TMEFF1: variants seen among roughly 807,000 people sequenced by gnomAD.
TMEFF1 encodes the protein tomoregulin-1.
A neutral mutation model predicts 47.5 loss-of-function variants in TMEFF1; 20 were observed. The observed-to-expected ratio is 0.42, with a 90% CI of 0.30 to 0.61. The LOEUF is 0.61. Ranked by LOEUF, TMEFF1 falls within the 20% of genes least tolerant of loss-of-function variation. TMEFF1 has a pLI of 0.19. For missense variants in TMEFF1, 411 were observed against 471.1 expected, an observed-to-expected ratio of 0.87 and a Z score of 1.18; for synonymous variants, 162 against 166.3, an observed-to-expected ratio of 0.97 and a Z score of 0.20.
At chr9:100,509,775 G>C (rs938577128) in intron 3 of TMEFF1, among the ~76,000 whole-genome samples, 4 of 100,586 alleles carry the variant, frequency 4.0e-5, no homozygotes, top group African/African-American at 1.4e-4. Context: ...CTCCATCTCA[G>C]AAAAAAAAAA....
At chr9:100,572,282 T>C (rs1839255027) in intron 8 of TMEFF1, among the ~76,000 whole-genome samples, 1 of 152,116 alleles carries the variant, frequency 6.6e-6, no homozygotes, top group Admixed American at 6.6e-5. Flanking sequence ...ACATTAACAA[T>C]ATTCAGCAAC....
intron 1 of TMEFF1, among the ~76,000 whole-genome samples, chr9:100,490,899 T>C (rs1311780434): frequency 7.1e-6 from 1 of 140,626 alleles, no homozygotes; most frequent in Admixed American, 7.1e-5. Flanking sequence ...ATGTGTGTGT[T>C]TGAAATGAGT....
chr9:100,489,776 G>A (rs924444884), intron 1 of TMEFF1, among the ~76,000 whole-genome samples: 2 of 152,008 alleles, frequency 1.3e-5, no homozygotes, highest in South Asian at 2.1e-4. Flanking sequence ...TTTAATAACC[G>A]CACCATAACA....
chr9:100,521,727 A>C (rs2118406211), intron 5 of TMEFF1, among the ~76,000 whole-genome samples: 1 of 152,340 alleles, frequency 6.6e-6, no homozygotes, highest in East Asian at 1.9e-4. Context: ...GAGTCTGTAG[A>C]ATCATCAGGC....
chr9:100,559,539 T>C (rs1838975607), intron 7 of TMEFF1, among the ~76,000 whole-genome samples: 1 of 152,178 alleles, frequency 6.6e-6, no homozygotes. Context: ...AGTAAAAATA[T>C]CTCAATTTTT....
rs540529395 is a variant in TMEFF1, at chr9:100,540,203, A to T, written c.561-7541A>T. 4.6e-5 allele frequency among the ~76,000 whole-genome samples: 7 copies of T among 151,990 alleles called. No individual in the cohort carries two copies. In the South Asian group the frequency reaches 1.5e-3, roughly 32 times the overall value. On this transcript the variant is annotated intron_variant, in intron 5 of 9. Coordinates refer to ENST00000374879, the MANE Select transcript of TMEFF1 (RefSeq NM_003692.5). ...CCAAGTCCCCACCCGATCTTTAGGT[A>T]GACACAAAAGTTCTCCAAGTCCCCA...
intron 5 of TMEFF1, among the ~76,000 whole-genome samples, chr9:100,542,261 A>G (rs75051117): frequency 0.022 from 3,363 of 152,196 alleles, 104 homozygotes; most frequent in African/African-American, 0.076. Flanking sequence ...TTGAATTTCA[A>G]TTCCTCCAAA....
intron 5 of TMEFF1, among the ~76,000 whole-genome samples, chr9:100,531,734 C>G (rs937187795): frequency 2.0e-5 from 3 of 152,114 alleles, no homozygotes; most frequent in African/African-American, 4.8e-5. Flanking sequence ...TTGGAAAAAA[C>G]TACTTTAAAA....
At chr9:100,550,241 A>G in intron 7 of TMEFF1, 81 bp downstream of exon 7, 3 of 1,408,288 alleles carry the variant, frequency 2.1e-6, no homozygotes, top group South Asian at 2.8e-5. Flanking sequence ...TGTTTCCATT[A>G]TAACAACACC....
intron 3 of TMEFF1, among the ~76,000 whole-genome samples, chr9:100,512,204 T>G (rs1302766738): frequency 1.3e-5 from 2 of 152,222 alleles, no homozygotes; most frequent in African/African-American, 4.8e-5. Context: ...GTTCCATCAC[T>G]CTTTCATTTC....
chr9:100,571,606 A>T (rs1313451467), intron 8 of TMEFF1, among the ~76,000 whole-genome samples: 1 of 151,760 alleles, frequency 6.6e-6, no homozygotes, highest in South Asian at 2.1e-4. Context: ...GTTGCCAGGG[A>T]CTAGTTCCGT....
intron 8 of TMEFF1, among the ~76,000 whole-genome samples, chr9:100,568,700 A>G (rs1213433760): frequency 6.6e-6 from 1 of 152,078 alleles, no homozygotes; most frequent in Non-Finnish European, 1.5e-5. Context: ...AGGACACCTC[A>G]TACCCTTTAG....
chr9:100,491,342 C>T (rs1367886010), intron 1 of TMEFF1, among the ~76,000 whole-genome samples: 1 of 152,090 alleles, frequency 6.6e-6, no homozygotes, highest in African/African-American at 2.4e-5. Context: ...GCAGATTTCT[C>T]CAAATACTAC....
chr9:100,504,602 T>C (rs1837822235), intron 2 of TMEFF1, among the ~76,000 whole-genome samples: 1 of 152,238 alleles, frequency 6.6e-6, no homozygotes, highest in Admixed American at 6.5e-5. Context: ...ATGCCAAAGG[T>C]AGATTATCTT....
At chr9:100,513,407 T>C in intron 4 of TMEFF1, 74 bp downstream of exon 4, 1 of 1,497,178 alleles carries the variant, frequency 6.7e-7, no homozygotes, top group South Asian at 1.3e-5. Context: ...TTTTTTTTTT[T>C]TTTAAATCAG....
At chr9:100,516,591 A>T (rs1473773846) in intron 4 of TMEFF1, 84 bp from the exon 5 acceptor site, 1 of 1,501,596 alleles carries the variant, frequency 6.7e-7, no homozygotes, top group African/African-American at 1.4e-5. Flanking sequence ...CCTCAGAAAC[A>T]GGATAATGAC....
chr9:100,509,392 A>G (rs1163495762), intron 3 of TMEFF1, among the ~76,000 whole-genome samples: 2 of 152,116 alleles, frequency 1.3e-5, no homozygotes, highest in Admixed American at 6.5e-5. Context: ...CTTTCTTTGC[A>G]TGTCCTTTGC....
At chr9:100,491,990 A>G (rs7042106) in intron 1 of TMEFF1, among the ~76,000 whole-genome samples, 3,096 of 151,828 alleles carry the variant, frequency 0.02, 109 homozygotes, top group African/African-American at 0.071. Context: ...AGTTCAAGCA[A>G]TTCTCCTGCC....
chr9:100,551,905 G>A (rs978607462), intron 7 of TMEFF1, among the ~76,000 whole-genome samples: 2 of 152,234 alleles, frequency 1.3e-5, no homozygotes, highest in Non-Finnish European at 2.9e-5. Context: ...GTGGGGAACA[G>A]TGGGAATCTG....
Sources: allele counts gnomAD v4.1 joint callset (sites outside exome capture counted in the v4.1 genomes callset), GRCh38; gene constraint gnomAD v4.1.1; transcripts MANE v1.5; gene names NCBI Gene and HGNC (gene_info 2026-07-23, HGNC 2026-07-21).